Variants in CDK12 observed in about 807,000 individuals in gnomAD.
CDK12 encodes the protein cyclin dependent kinase 12, also known as cyclin-dependent kinase 12.
In CDK12, 17 loss-of-function variants were observed where a neutral mutation model predicts 133.8. The ratio of observed to expected loss-of-function variants is 0.13; its 90% CI spans 0.09 to 0.19. The LOEUF (loss-of-function observed/expected upper bound fraction) is 0.19. Ranked by LOEUF, CDK12 falls within the 10% of genes least tolerant of loss-of-function variation. CDK12 has a pLI of 1.00. For synonymous variants in CDK12, 694 were observed against 683.6 expected (o/e 1.02, Z -0.24); for missense variants, 1,508 against 1,818.7 (o/e 0.83, Z 3.11).
chr17:39,518,225 C>T (rs2053933574), intron 10 of CDK12, among the ~76,000 whole-genome samples: 1 of 152,092 alleles, frequency 6.6e-6, no homozygotes, highest in South Asian at 2.1e-4. Context: ...GATCCACCCA[C>T]CTCTGCCTTC....
intron 11 of CDK12, among the ~76,000 whole-genome samples, chr17:39,521,033 CAG>C (rs1315573974): frequency 1.3e-5 from 2 of 151,830 alleles, no homozygotes; most frequent in African/African-American, 4.8e-5. Context: ...TTAGTAGAGA[CAG>C]AGTTTCTCCA....
At chr17:39,463,545 C>G (rs977821452) in intron 1 of CDK12, among the ~76,000 whole-genome samples, 3 of 152,034 alleles carry the variant, frequency 2.0e-5, no homozygotes, top group African/African-American at 4.8e-5. Flanking sequence ...AGTTACTTGC[C>G]TAGTTTATCC....
At chr17:39,463,244 G>A in intron 1 of CDK12, 127 bp downstream of exon 1, 1 of 803,614 alleles carries the variant, frequency 1.2e-6, no homozygotes, top group East Asian at 2.6e-5. Context: ...CTGTTGGCTA[G>A]TCATTCCAGT....
At chr17:39,514,796 T>C (rs1006510459) in intron 8 of CDK12, among the ~76,000 whole-genome samples, 6 of 152,190 alleles carry the variant, frequency 3.9e-5, no homozygotes, top group African/African-American at 1.4e-4. Context: ...TGACATAACA[T>C]ATCCACCAGT....
At position 39,532,203 on chromosome 17, in the gene CDK12, G is replaced by A. The variant is rs2054907259; in HGVS notation, c.*887G>A. 3 of 229,620 alleles carry A rather than the reference G, an allele frequency of 1.3e-5. No homozygotes were observed. Among genetic ancestry groups the A allele is most frequent in the South Asian group, 1.8e-4 (1 of 5,454 alleles). The allele number at this position is 229,620 out of a possible 1,614,324, so 14.2% of individuals were successfully genotyped here. Reference sequence around the variant, plus strand: ...TTGAGGCATTTGTTTGGAAAAAATCGTTGAGATGCCCAAGAACCTGGGATA... The same window carrying A: ...TTGAGGCATTTGTTTGGAAAAAATCATTGAGATGCCCAAGAACCTGGGATA... On this transcript the variant is annotated 3_prime_UTR_variant, in exon 14 of 14. Transcript: ENST00000447079.
Position 39,471,351 on chromosome 17 carries a change from G to A in CDK12, c.1519G>A (p.Ala507Thr). 3 of 1,614,002 alleles carry A rather than the reference G, an allele frequency of 1.9e-6. No individual in the cohort carries two copies. Among genetic ancestry groups the A allele is most frequent in the Non-Finnish European group, 2.5e-6 (3 of 1,179,984 alleles). Residue 507 changes from alanine to threonine, a missense_variant, in exon 2 of 14, where the codon GCA becomes ACA. Physicochemically the swap from Ala to Thr is moderately conservative, Grantham distance 58 (BLOSUM62 0). Coordinates refer to ENST00000447079, the MANE Select transcript of CDK12 (RefSeq NM_016507.4). ...AQGTRDSKPI[A>T]LKEEIVTPKE... is the part of the protein sequence containing the mutation. ...GGGAACAAGAGACTCTAAACCCATA[G>A]CACTGAAAGAGGAGATTGTTACTCC...
rs1022260270 is a variant in CDK12 at position 39,533,438 on chromosome 17, C to T, written c.*2122C>T. The T allele has an allele frequency of 2.6e-4, 61 of 232,952 alleles. No individual in the cohort carries two copies. The highest frequency in any genetic ancestry group is 1.1e-3 in the Admixed American group (20 of 17,762). 14.4% of individuals were successfully genotyped at this position (232,952 alleles called of 1,614,324 possible). A position where few individuals can be genotyped will look rare whatever the true frequency, so the allele number is the denominator to read the frequency against. ...GAATTTGAGTTATTGGGCCCCACTCCCTGTTTTTTATTAAAGAACGTGAGC... is the reference window on the plus strand; with the variant it reads ...GAATTTGAGTTATTGGGCCCCACTCTCTGTTTTTTATTAAAGAACGTGAGC... On this transcript the variant is annotated 3_prime_UTR_variant, in exon 14 of 14. Transcript: ENST00000447079.
At chr17:39,468,125 A>ACT (rs56230959) in intron 1 of CDK12, among the ~76,000 whole-genome samples, 103,789 of 151,708 alleles carry the variant, frequency 0.68, 36,393 homozygotes, top group South Asian at 0.89. Context: ...CAAACTCTTG[A>ACT]TCAGGGTGAT....
At chr17:39,472,045 G>A (rs1381916000) in intron 2 of CDK12, among the ~76,000 whole-genome samples, 2 of 151,900 alleles carry the variant, frequency 1.3e-5, no homozygotes, top group Non-Finnish European at 2.9e-5. Flanking sequence ...ATGCAGTGGC[G>A]TCATCTCAGC....
At chr17:39,482,015 C>CTTTTTTTTTT (rs56340258) in intron 2 of CDK12, among the ~76,000 whole-genome samples, 1 of 96,226 alleles carries the variant, frequency 1.0e-5, no homozygotes, top group African/African-American at 3.3e-5. Flanking sequence ...CCTGGCTTGC[C>CTTTTTTTTTT]TTTTTTTTTT....
At chr17:39,486,253 CTTTTTTT>C (rs35710234) in intron 2 of CDK12, among the ~76,000 whole-genome samples, 15 of 86,534 alleles carry the variant, frequency 1.7e-4, no homozygotes, top group Non-Finnish European at 2.5e-4. Flanking sequence ...CACCCTGCCT[CTTTTTTT>C]TTTTTTTTTT....
At chr17:39,555,828 TACACACACACACACAC>T (rs60227908) in intron 2 of CDK12, among the ~76,000 whole-genome samples, 2,119 of 108,680 alleles carry the variant, frequency 0.019, 46 homozygotes, top group African/African-American at 0.046. Context: ...ACCTCATCTC[TACACACACACACACAC>T]ACACACACAC....
At chr17:39,493,011 T>A in intron 4 of CDK12, 121 bp downstream of exon 4, 1 of 880,094 alleles carries the variant, frequency 1.1e-6, no homozygotes, top group Non-Finnish European at 1.7e-6. Flanking sequence ...GTTTGTTTGT[T>A]TTTTGAGATG....
At chr17:39,561,350 AC>A (rs2056367676) in intron 3 of CDK12, among the ~76,000 whole-genome samples, 4 of 152,148 alleles carry the variant, frequency 2.6e-5, no homozygotes, top group Non-Finnish European at 4.4e-5. Flanking sequence ...TCATTTACAA[AC>A]CCATACATCC....
At chr17:39,476,711 C>CCTTTTTT (rs1555553398) in intron 2 of CDK12, among the ~76,000 whole-genome samples, 1 of 84,516 alleles carries the variant, frequency 1.2e-5, no homozygotes, top group African/African-American at 5.7e-5. Context: ...CCATGCCTGC[C>CCTTTTTT]TTTTTTTTTT....
intron 2 of CDK12, among the ~76,000 whole-genome samples, chr17:39,489,454 C>T (rs1220098850): frequency 6.6e-6 from 1 of 152,014 alleles, no homozygotes; most frequent in Non-Finnish European, 1.5e-5. Context: ...ATCTGCCCAC[C>T]TCAGCCTCCC....
intron 11 of CDK12, among the ~76,000 whole-genome samples, chr17:39,523,604 G>A (rs1441522241): frequency 6.6e-6 from 1 of 152,182 alleles, no homozygotes; most frequent in African/African-American, 2.4e-5. Flanking sequence ...TAGGATGTTA[G>A]TTCATGAGTA....
chr17:39,510,239 C>A (rs2053410803), intron 7 of CDK12, among the ~76,000 whole-genome samples: 1 of 151,250 alleles, frequency 6.6e-6, no homozygotes, highest in African/African-American at 2.4e-5. Context: ...CCTGCCTCAG[C>A]CTCCCGAGTA....
chr17:39,538,798 T>G (rs1011711422), downstream of CDK12, among the ~76,000 whole-genome samples: 41 of 152,254 alleles, frequency 2.7e-4, 1 homozygote, highest in African/African-American at 8.2e-4. Flanking sequence ...CCCGGGAGGC[T>G]GAGGCAGGAG....
Sources: allele counts gnomAD v4.1 joint callset (sites outside exome capture counted in the v4.1 genomes callset), GRCh38; gene constraint gnomAD v4.1.1; transcripts MANE v1.5; gene names NCBI Gene and HGNC (gene_info 2026-07-23, HGNC 2026-07-21).